OSBPL10: variants seen among roughly 807,000 people sequenced by gnomAD.
The protein encoded by OSBPL10 is oxysterol-binding protein-related protein 10.
OSBPL10 carries 49 observed loss-of-function variants against 81.7 expected under a neutral mutation model. The observed-to-expected ratio is 0.60, with a 90% CI of 0.48 to 0.76. OSBPL10 has a LOEUF of 0.76. Among genes scored for constraint, OSBPL10 ranks in the 30% least tolerant of loss-of-function variants. The pLI, the probability that OSBPL10 is intolerant of heterozygous loss-of-function variation, is 0.00. For synonymous variants in OSBPL10, 419 were observed against 383.6 expected (o/e 1.09, Z -1.08); for missense variants, 923 against 987.8 (o/e 0.93, Z 0.88).
chr3:31,995,295 A>T (rs7642435), intron 2 of OSBPL10, among the ~76,000 whole-genome samples: 6 of 151,976 alleles, frequency 3.9e-5, no homozygotes, highest in African/African-American at 1.2e-4. Flanking sequence ...TATCTCAACC[A>T]CATAGGACAG....
At chr3:31,800,398 C>T (rs943185791) in intron 4 of OSBPL10, among the ~76,000 whole-genome samples, 5 of 152,338 alleles carry the variant, frequency 3.3e-5, no homozygotes, top group Admixed American at 2.6e-4. Flanking sequence ...TGATAATTCT[C>T]GGCAAGCAGT....
chr3:32,041,439 A>G (rs1417444668), intron 2 of OSBPL10, among the ~76,000 whole-genome samples: 1 of 152,104 alleles, frequency 6.6e-6, no homozygotes, highest in African/African-American at 2.4e-5. Flanking sequence ...GCATCAGACT[A>G]CAGGCCAGCT....
At chr3:31,901,393 G>A (rs1360185532) in intron 1 of OSBPL10, among the ~76,000 whole-genome samples, 1 of 152,184 alleles carries the variant, frequency 6.6e-6, no homozygotes, top group Admixed American at 6.5e-5. Flanking sequence ...TCTGGCCACA[G>A]TGGCCATCTT....
At chr3:31,767,264 G>A (rs186259980) in intron 4 of OSBPL10, among the ~76,000 whole-genome samples, 1 of 152,268 alleles carries the variant, frequency 6.6e-6, no homozygotes, top group East Asian at 1.9e-4. Context: ...ATGGGAATAA[G>A]TTCTTCTCCC....
intron 1 of OSBPL10, among the ~76,000 whole-genome samples, chr3:31,943,448 T>G (rs1697593941): frequency 2.0e-5 from 3 of 152,150 alleles, no homozygotes; most frequent in Admixed American, 1.3e-4. Flanking sequence ...TAAAAAAAAC[T>G]TGGACTTTTT....
chr3:31,716,200 T>C (rs1286033523), intron 6 of OSBPL10, among the ~76,000 whole-genome samples: 1 of 152,170 alleles, frequency 6.6e-6, no homozygotes, highest in Non-Finnish European at 1.5e-5. Context: ...GTTTGGGGTT[T>C]GTTTATCCTT....
intron 1 of OSBPL10, among the ~76,000 whole-genome samples, chr3:31,890,684 G>T (rs1449701262): frequency 2.0e-5 from 3 of 152,162 alleles, no homozygotes; most frequent in African/African-American, 7.2e-5. Flanking sequence ...AAGCCCGAAA[G>T]AACTGAGACC....
intron 9 of OSBPL10, 35 bp downstream of exon 9, chr3:31,670,762 A>C: frequency 6.3e-7 from 1 of 1,580,826 alleles, no homozygotes; most frequent in South Asian, 1.2e-5. Flanking sequence ...GCATCTTGTT[A>C]AGACAAAGCC....
chr3:31,995,771 G>A (rs558118596), intron 2 of OSBPL10, among the ~76,000 whole-genome samples: 7 of 152,258 alleles, frequency 4.6e-5, no homozygotes, highest in East Asian at 1.9e-4. Flanking sequence ...GGCTCCAGCC[G>A]GTCCCTCCAT....
chr3:31,850,995 G>T (rs895443774), intron 3 of OSBPL10, among the ~76,000 whole-genome samples: 2 of 152,166 alleles, frequency 1.3e-5, no homozygotes, highest in African/African-American at 4.8e-5. Flanking sequence ...AGGAAAGCAT[G>T]AACAACATGA....
chr3:31,687,108 G>A (rs1219853923), intron 7 of OSBPL10, among the ~76,000 whole-genome samples: 1 of 152,152 alleles, frequency 6.6e-6, no homozygotes, highest in Non-Finnish European at 1.5e-5. Context: ...TTCCCCAAGT[G>A]ACTCCGTCTC....
intron 4 of OSBPL10, among the ~76,000 whole-genome samples, chr3:31,808,317 C>T (rs1422770311): frequency 6.6e-6 from 1 of 152,156 alleles, no homozygotes; most frequent in Non-Finnish European, 1.5e-5. Context: ...AGGTGATGGC[C>T]AGGAAAGGCT....
chr3:32,026,021 T>TAGATAGATAGAC (rs1326560992), intron 2 of OSBPL10, among the ~76,000 whole-genome samples: 9 of 118,886 alleles, frequency 7.6e-5, no homozygotes, highest in African/African-American at 2.7e-4. Flanking sequence ...CATAGATAGA[T>TAGATAGATAGAC]AGATAGATAG....
intron 8 of OSBPL10, 101 bp from the exon 9 acceptor site, chr3:31,671,084 G>C: frequency 8.7e-7 from 1 of 1,145,032 alleles, no homozygotes; most frequent in South Asian, 1.7e-5. Context: ...CTCCTGCACA[G>C]ATGTCACATC....
At chr3:32,026,065 A>AGAT (rs1247243325) in intron 2 of OSBPL10, among the ~76,000 whole-genome samples, 2,873 of 81,238 alleles carry the variant, frequency 0.035, 34 homozygotes, top group Middle Eastern at 0.066. Context: ...GATGATAGAT[A>AGAT]GATAGATAGA....
intron 6 of OSBPL10, among the ~76,000 whole-genome samples, chr3:31,708,530 G>A (rs1182723603): frequency 6.6e-6 from 1 of 152,100 alleles, no homozygotes; most frequent in Non-Finnish European, 1.5e-5. Flanking sequence ...ATATAAAGAC[G>A]GCCAGCAATC....
At chr3:32,070,903 C>G (rs1210040300) in intron 1 of OSBPL10, among the ~76,000 whole-genome samples, 1 of 152,248 alleles carries the variant, frequency 6.6e-6, no homozygotes, top group Non-Finnish European at 1.5e-5. Flanking sequence ...CTGACCCTGA[C>G]ACCCATCAGT....
intron 1 of OSBPL10, among the ~76,000 whole-genome samples, chr3:31,925,589 G>A (rs1354395770): frequency 6.6e-6 from 1 of 151,950 alleles, no homozygotes; most frequent in Non-Finnish European, 1.5e-5. Flanking sequence ...AACGTGGGGA[G>A]ATCACTTGAG....
At chr3:31,725,631 T>C (rs1449203574) in intron 6 of OSBPL10, among the ~76,000 whole-genome samples, 5 of 152,226 alleles carry the variant, frequency 3.3e-5, no homozygotes, top group East Asian at 1.9e-4. Context: ...AACCAATTCA[T>C]AGAAGCATCT....
Sources: allele counts gnomAD v4.1 joint callset (sites outside exome capture counted in the v4.1 genomes callset), GRCh38; gene constraint gnomAD v4.1.1; transcripts MANE v1.5; gene names NCBI Gene and HGNC (gene_info 2026-07-23, HGNC 2026-07-21).